SOX5: variants seen among roughly 807,000 people sequenced by gnomAD.
SOX5 encodes SRY-box transcription factor 5.
A neutral mutation model predicts 92.0 loss-of-function variants in SOX5; 9 were observed. The observed-to-expected ratio is 0.10, with a 90% CI of 0.06 to 0.17. The LOEUF is 0.17. Ranked by LOEUF, SOX5 falls within the 10% of genes least tolerant of loss-of-function variation. The pLI is 1.00. For synonymous variants in SOX5, 344 were observed against 336.3 expected (o/e 1.02, Z -0.25); for missense variants, 642 against 944.5 (o/e 0.68, Z 4.20).
chr12:23,785,519 G>T (rs1037356000), intron 3 of SOX5, among the ~76,000 whole-genome samples: 1 of 152,092 alleles, frequency 6.6e-6, no homozygotes, highest in African/African-American at 2.4e-5. Context: ...TATTCCAAAA[G>T]TTTACTTTTT....
chr12:23,788,979 C>A (rs943764626), intron 3 of SOX5, among the ~76,000 whole-genome samples: 2 of 151,814 alleles, frequency 1.3e-5, no homozygotes, highest in Non-Finnish European at 2.9e-5. Context: ...ATATTTGTAA[C>A]CTATTCCTAA....
intron 1 of SOX5, among the ~76,000 whole-genome samples, chr12:24,455,829 A>G (rs1942953007): frequency 6.6e-6 from 1 of 152,052 alleles, no homozygotes; most frequent in Non-Finnish European, 1.5e-5. Context: ...ATCACTCCCA[A>G]GCGATTCTTC....
intron 4 of SOX5, among the ~76,000 whole-genome samples, chr12:24,076,749 C>T (rs2958104): frequency 9.0e-6 from 1 of 110,832 alleles, no homozygotes; most frequent in Non-Finnish European, 1.7e-5. Context: ...GAAAGCTCTT[C>T]TAAGGAGTTT....
At chr12:23,978,884 T>C (rs1441430972) in intron 4 of SOX5, among the ~76,000 whole-genome samples, 1 of 152,218 alleles carries the variant, frequency 6.6e-6, no homozygotes, top group Non-Finnish European at 1.5e-5. Context: ...TTAGGAATCT[T>C]GCACTATCTA....
intron 2 of SOX5, among the ~76,000 whole-genome samples, chr12:23,853,882 A>G (rs1333392780): frequency 2.6e-5 from 4 of 152,106 alleles, no homozygotes; most frequent in South Asian, 2.1e-4. Flanking sequence ...AAGACCAACC[A>G]TAAGAGGTGT....
intron 2 of SOX5, among the ~76,000 whole-genome samples, chr12:23,866,255 A>G (rs1427847299): frequency 6.6e-6 from 1 of 152,230 alleles, no homozygotes; most frequent in Non-Finnish European, 1.5e-5. Context: ...TGTTAATTTC[A>G]GTAATATATA....
At chr12:23,722,033 A>G (rs2092846798) in intron 6 of SOX5, among the ~76,000 whole-genome samples, 1 of 152,208 alleles carries the variant, frequency 6.6e-6, no homozygotes, top group Admixed American at 6.5e-5. Context: ...GGGTCCAAAA[A>G]ATACAAAATT....
intron 3 of SOX5, among the ~76,000 whole-genome samples, chr12:24,238,331 C>T (rs1027651112): frequency 6.6e-6 from 1 of 152,130 alleles, no homozygotes; most frequent in South Asian, 2.1e-4. Context: ...GGGAGCCATG[C>T]TCTGCACTAG....
chr12:23,940,755 C>CACAT (rs1285372710), intron 1 of SOX5, among the ~76,000 whole-genome samples: 2 of 149,628 alleles, frequency 1.3e-5, no homozygotes, highest in Non-Finnish European at 3.0e-5. Flanking sequence ...TACACACACA[C>CACAT]ACACACACAC....
intron 4 of SOX5, among the ~76,000 whole-genome samples, chr12:24,195,242 A>C (rs1193361736): frequency 2.0e-5 from 3 of 152,150 alleles, no homozygotes; most frequent in Non-Finnish European, 4.4e-5. Context: ...ATTTTAAACG[A>C]GTAAACTCAT....
At chr12:24,189,914 C>T (rs1956361834) in intron 4 of SOX5, among the ~76,000 whole-genome samples, 1 of 152,058 alleles carries the variant, frequency 6.6e-6, no homozygotes, top group Non-Finnish European at 1.5e-5. Context: ...TGGCAGATAC[C>T]CTGCAGCTCT....
chr12:23,626,882 A>T (rs2077890763), intron 8 of SOX5, among the ~76,000 whole-genome samples: 2 of 152,110 alleles, frequency 1.3e-5, no homozygotes, highest in Admixed American at 1.3e-4. Flanking sequence ...TGTGAAAAAG[A>T]AGACACTGGC....
intron 6 of SOX5, among the ~76,000 whole-genome samples, chr12:23,720,139 T>C (rs1045610500): frequency 2.0e-5 from 3 of 152,200 alleles, no homozygotes; most frequent in Admixed American, 2.0e-4. Context: ...TCCTGTTCTC[T>C]TATGTGAATG....
At chr12:24,370,218 T>C (rs565610851) in intron 1 of SOX5, among the ~76,000 whole-genome samples, 43 of 152,280 alleles carry the variant, frequency 2.8e-4, no homozygotes, top group African/African-American at 1.0e-3. Context: ...CTCACGCCTG[T>C]AATCCCAGCG....
chr12:23,799,004 G>A (rs538138040), intron 3 of SOX5, among the ~76,000 whole-genome samples: 62 of 151,908 alleles, frequency 4.1e-4, no homozygotes, highest in Admixed American at 1.3e-3. Flanking sequence ...AATTGTCATC[G>A]TACTATAATT....
chr12:23,663,319 T>G (rs1420386808), intron 7 of SOX5, among the ~76,000 whole-genome samples: 1 of 152,192 alleles, frequency 6.6e-6, no homozygotes, highest in East Asian at 1.9e-4. Flanking sequence ...GTATGAATAT[T>G]AAATGGTTAA....
intron 3 of SOX5, among the ~76,000 whole-genome samples, chr12:23,764,737 G>C (rs908519620): frequency 3.9e-5 from 6 of 152,024 alleles, no homozygotes; most frequent in Non-Finnish European, 5.9e-5. Flanking sequence ...TAGAGATAAA[G>C]AAGATGCAAA....
chr12:23,694,244 TC>T (rs772701781), intron 6 of SOX5, among the ~76,000 whole-genome samples: 31 of 152,338 alleles, frequency 2.0e-4, no homozygotes, highest in Non-Finnish European at 1.8e-4. Context: ...TTATGTATAC[TC>T]CTTGATAATA....
intron 3 of SOX5, among the ~76,000 whole-genome samples, chr12:24,223,821 G>A (rs943288872): frequency 1.3e-5 from 2 of 151,974 alleles, no homozygotes; most frequent in African/African-American, 2.4e-5. Flanking sequence ...ATACACACAC[G>A]AATGAGTTTT....
Sources: allele counts gnomAD v4.1 joint callset (sites outside exome capture counted in the v4.1 genomes callset), GRCh38; gene constraint gnomAD v4.1.1; transcripts MANE v1.5; gene names NCBI Gene and HGNC (gene_info 2026-07-23, HGNC 2026-07-21).